Variants in RBFOX1 observed in about 807,000 individuals in gnomAD.
RBFOX1 encodes the protein RNA binding fox-1 homolog 1.
Under a neutral mutation model 57.7 loss-of-function variants are expected in RBFOX1, and 8 were observed. The observed-to-expected ratio is 0.14, with a 90% CI of 0.08 to 0.25. RBFOX1 has a LOEUF of 0.25. RBFOX1 is among the 10% of genes least tolerant of loss of function. The pLI, the probability that RBFOX1 is intolerant of heterozygous loss-of-function variation, is 1.00. For missense variants in RBFOX1, 611 were observed against 548.5 expected (o/e 1.11, Z -1.14); for synonymous variants, 326 against 222.4 (o/e 1.47, Z -4.15).
At chr16:6,269,276 T>C (rs1340454777) in intron 1 of RBFOX1, among the ~76,000 whole-genome samples, 2 of 152,202 alleles carry the variant, frequency 1.3e-5, no homozygotes, top group Non-Finnish European at 2.9e-5. Context: ...ATTTTTATTG[T>C]ATTGTTATTT....
chr16:7,401,960 A>G (rs1225315157), intron 4 of RBFOX1, among the ~76,000 whole-genome samples: 1 of 152,236 alleles, frequency 6.6e-6, no homozygotes, highest in East Asian at 1.9e-4. Flanking sequence ...TCATCTGTTA[A>G]TAATACATCA....
chr16:6,219,561 C>G (rs1264114303), intron 1 of RBFOX1, among the ~76,000 whole-genome samples: 1 of 152,072 alleles, frequency 6.6e-6, no homozygotes, highest in Non-Finnish European at 1.5e-5. Context: ...TTCACTTAAC[C>G]TCTCAATTGC....
intron 3 of RBFOX1, among the ~76,000 whole-genome samples, chr16:6,832,038 C>G (rs965013840): frequency 1.3e-5 from 2 of 152,212 alleles, no homozygotes; most frequent in African/African-American, 4.8e-5. Flanking sequence ...CATTGACAGC[C>G]TGCACTTAAG....
chr16:5,328,279 AAG>A (rs759619247), intron 1 of RBFOX1, among the ~76,000 whole-genome samples: 1 of 152,160 alleles, frequency 6.6e-6, no homozygotes, highest in South Asian at 2.1e-4. Flanking sequence ...GCGTTTTTAT[AAG>A]AGGGGATTTT....
chr16:6,213,846 G>C (rs967002177), intron 1 of RBFOX1, among the ~76,000 whole-genome samples: 1 of 152,158 alleles, frequency 6.6e-6, no homozygotes, highest in African/African-American at 2.4e-5. Flanking sequence ...GAACTGGACA[G>C]TTCTTTGTTA....
chr16:6,692,339 T>TA (rs1555697193), intron 3 of RBFOX1, among the ~76,000 whole-genome samples: 8 of 152,096 alleles, frequency 5.3e-5, no homozygotes, highest in Admixed American at 5.2e-4. Context: ...AAGTGTTTCA[T>TA]CTTCTTTATT....
intron 2 of RBFOX1, among the ~76,000 whole-genome samples, chr16:6,614,053 C>T (rs1541545): frequency 0.032 from 4,831 of 152,190 alleles, 276 homozygotes; most frequent in East Asian, 0.22. Context: ...TGAAACTTTC[C>T]CTTTCTACAT....
At chr16:6,995,820 C>G (rs1037817968) in intron 3 of RBFOX1, among the ~76,000 whole-genome samples, 2 of 152,056 alleles carry the variant, frequency 1.3e-5, no homozygotes, top group Admixed American at 6.6e-5. Flanking sequence ...GCTAGAGGTA[C>G]TTACACTTGA....
intron 10 of RBFOX1, among the ~76,000 whole-genome samples, chr16:7,612,276 G>A (rs1203176254): frequency 3.5e-5 from 5 of 141,734 alleles, no homozygotes; most frequent in East Asian, 2.1e-4. Context: ...AGCCCAGATC[G>A]CGCCACTGCA....
chr16:6,305,950 G>T (rs1259877214), intron 1 of RBFOX1, among the ~76,000 whole-genome samples: 1 of 152,152 alleles, frequency 6.6e-6, no homozygotes, highest in African/African-American at 2.4e-5. Context: ...GGAGCTGTCA[G>T]TGCAGGGTGG....
chr16:7,701,687 G>T (rs934571373), intron 14 of RBFOX1, among the ~76,000 whole-genome samples: 1 of 152,068 alleles, frequency 6.6e-6, no homozygotes, highest in African/African-American at 2.4e-5. Flanking sequence ...TCATCCCTAT[G>T]GTCAATAAAT....
intron 3 of RBFOX1, among the ~76,000 whole-genome samples, chr16:6,753,861 A>G (rs575360466): frequency 6.6e-6 from 1 of 152,128 alleles, no homozygotes; most frequent in South Asian, 2.1e-4. Flanking sequence ...GCTGAGTTTT[A>G]TGGTTGATGT....
intron 4 of RBFOX1, among the ~76,000 whole-genome samples, chr16:5,894,316 T>C (rs1419459270): frequency 6.6e-6 from 1 of 152,222 alleles, no homozygotes; most frequent in East Asian, 1.9e-4. Flanking sequence ...GGAGTGTTGC[T>C]GTGTTGCCCA....
chr16:7,455,060 A>C (rs1207490785), intron 4 of RBFOX1, among the ~76,000 whole-genome samples: 1 of 152,226 alleles, frequency 6.6e-6, no homozygotes, highest in Non-Finnish European at 1.5e-5. Flanking sequence ...GTCAGGTACC[A>C]TGCTAGGCAC....
chr16:5,486,663 C>T (rs1209719633), intron 2 of RBFOX1, among the ~76,000 whole-genome samples: 1 of 152,164 alleles, frequency 6.6e-6, no homozygotes, highest in African/African-American at 2.4e-5. Flanking sequence ...AGGTCTCAGT[C>T]TTGTGCCCTG....
chr16:5,434,034 G>C (rs1471052846), intron 1 of RBFOX1, among the ~76,000 whole-genome samples: 1 of 152,164 alleles, frequency 6.6e-6, no homozygotes, highest in Non-Finnish European at 1.5e-5. Flanking sequence ...AGTTGGGGTA[G>C]GGGCGGGGAG....
chr16:6,922,026 A>T (rs1196747002), intron 3 of RBFOX1, among the ~76,000 whole-genome samples: 1 of 152,186 alleles, frequency 6.6e-6, no homozygotes, highest in Admixed American at 6.6e-5. Flanking sequence ...TATTTAATGT[A>T]TATAACTGCT....
At chr16:7,405,103 G>A (rs575225543) in intron 4 of RBFOX1, among the ~76,000 whole-genome samples, 2 of 152,320 alleles carry the variant, frequency 1.3e-5, no homozygotes, top group African/African-American at 4.8e-5. Context: ...GGTGATTCTT[G>A]AGAGCTTTCT....
intron 3 of RBFOX1, among the ~76,000 whole-genome samples, chr16:5,749,242 T>A (rs1173815941): frequency 1.3e-5 from 2 of 152,200 alleles, no homozygotes; most frequent in African/African-American, 2.4e-5. Context: ...CTGCTGTTAG[T>A]CTAATAGGCT....
Sources: gnomAD v4.1 joint callset for allele counts (sites outside exome capture counted in the v4.1 genomes callset) on GRCh38, gnomAD v4.1.1 for gene constraint, MANE v1.5 for transcripts, NCBI Gene and HGNC (gene_info 2026-07-23, HGNC 2026-07-21) for gene names.